OSBPL10: variants seen among roughly 807,000 people sequenced by gnomAD.
The protein encoded by OSBPL10 is oxysterol binding protein like 10.
In OSBPL10, 49 loss-of-function variants were observed where a neutral mutation model predicts 81.7. The observed-to-expected ratio is 0.60, with a 90% CI of 0.48 to 0.76. The LOEUF (loss-of-function observed/expected upper bound fraction) is 0.76, where lower values mean the gene tolerates loss of function less well. OSBPL10 is among the 30% of genes least tolerant of loss of function. The pLI is 0.00. For synonymous variants in OSBPL10, 419 were observed against 383.6 expected, an observed-to-expected ratio of 1.09 and a Z score of -1.08; for missense variants, 923 against 987.8, an observed-to-expected ratio of 0.93 and a Z score of 0.88.
intron 2 of OSBPL10, among the ~76,000 whole-genome samples, chr3:32,036,290 C>T (rs1190432351): frequency 1.3e-5 from 2 of 152,142 alleles, no homozygotes; most frequent in Non-Finnish European, 2.9e-5. Flanking sequence ...TTAAGCCATC[C>T]TCCTGCGTTG....
chr3:31,886,080 T>C (rs1243463097), intron 1 of OSBPL10, among the ~76,000 whole-genome samples: 2 of 150,900 alleles, frequency 1.3e-5, no homozygotes, highest in Non-Finnish European at 2.9e-5. Flanking sequence ...AGCTCACTCA[T>C]GCTGACAGCC....
At chr3:31,892,458 G>A (rs1040269326) in intron 1 of OSBPL10, among the ~76,000 whole-genome samples, 3 of 152,146 alleles carry the variant, frequency 2.0e-5, no homozygotes, top group African/African-American at 7.2e-5. Flanking sequence ...AGCAGAGGGA[G>A]CAGAAAGGCG....
intron 3 of OSBPL10, among the ~76,000 whole-genome samples, chr3:31,840,194 G>A (rs1001383499): frequency 6.6e-6 from 1 of 152,022 alleles, no homozygotes; most frequent in African/African-American, 2.4e-5. Context: ...TGGGGACAAG[G>A]GCTCCTATTT....
intron 4 of OSBPL10, among the ~76,000 whole-genome samples, chr3:31,762,844 G>A (rs969781775): frequency 2.0e-4 from 30 of 151,700 alleles, no homozygotes; most frequent in African/African-American, 3.6e-4. Flanking sequence ...CATAATTTGC[G>A]GATGCGAGGT....
At chr3:32,034,820 A>T (rs1033064915) in intron 2 of OSBPL10, among the ~76,000 whole-genome samples, 3 of 152,256 alleles carry the variant, frequency 2.0e-5, no homozygotes, top group Non-Finnish European at 4.4e-5. Context: ...GACAGTGTCT[A>T]TGAAAATCAG....
chr3:32,039,330 A>G (rs1417640985), intron 2 of OSBPL10, among the ~76,000 whole-genome samples: 1 of 134,702 alleles, frequency 7.4e-6, no homozygotes, highest in Non-Finnish European at 1.6e-5. Context: ...TGTTGCAAAA[A>G]TAAATAAATA....
intron 3 of OSBPL10, among the ~76,000 whole-genome samples, chr3:31,852,570 C>A (rs1448028548): frequency 1.6e-5 from 2 of 126,718 alleles, no homozygotes; most frequent in Non-Finnish European, 3.5e-5. Context: ...GAAGTTTTTT[C>A]CTTTTTTTGT....
intron 3 of OSBPL10, among the ~76,000 whole-genome samples, chr3:31,868,539 G>A (rs1483188016): frequency 6.6e-6 from 1 of 152,040 alleles, no homozygotes; most frequent in African/African-American, 2.4e-5. Context: ...CATCAAGGGA[G>A]AAGATACTAA....
At chr3:31,974,883 A>G (rs1033745409) in intron 1 of OSBPL10, among the ~76,000 whole-genome samples, 6 of 152,154 alleles carry the variant, frequency 3.9e-5, no homozygotes, top group Non-Finnish European at 8.8e-5. Context: ...TTACTCGCAA[A>G]ACTCAGTTAG....
intron 1 of OSBPL10, among the ~76,000 whole-genome samples, chr3:31,909,666 T>C (rs1696516763): frequency 6.6e-6 from 1 of 152,122 alleles, no homozygotes; most frequent in Non-Finnish European, 1.5e-5. Flanking sequence ...CTTCCCTCCA[T>C]TTCAGATCAA....
At chr3:31,896,458 C>T (rs1187366740) in intron 1 of OSBPL10, among the ~76,000 whole-genome samples, 1 of 152,186 alleles carries the variant, frequency 6.6e-6, no homozygotes, top group African/African-American at 2.4e-5. Flanking sequence ...ATGTGGAGAA[C>T]GTGCCCATCT....
intron 1 of OSBPL10, among the ~76,000 whole-genome samples, chr3:31,880,669 G>C (rs1230858273): frequency 6.6e-6 from 1 of 152,184 alleles, no homozygotes; most frequent in Non-Finnish European, 1.5e-5. Context: ...ACTGACACTA[G>C]TCTTTTCTCT....
rs1376592074 is a variant in OSBPL10, at chr3:31,670,842, G to A, written c.1868C>T (p.Thr623Ile). ...INCAKTGYSA[T>I]VIFHTKPFYG... The stretch of plus-strand genomic sequence containing the variant: ...GAAAGGCTTCGTGTGGAATATCACT[G>A]TCGCTGAGTACCCAGTCTTGGCACA... The change falls in exon 9 of 12, where the codon ACA (threonine) becomes ATA (isoleucine). Residue 623 changes from threonine to isoleucine, a missense_variant. Coordinates refer to ENST00000396556, the MANE Select transcript of OSBPL10 (RefSeq NM_017784.5). 8.9e-5 allele frequency: 144 copies of A among 1,614,032 alleles called. No homozygotes were observed. Among genetic ancestry groups the A allele is most frequent in the Non-Finnish European group, 1.2e-4 (143 of 1,180,026 alleles).
intron 2 of OSBPL10, among the ~76,000 whole-genome samples, chr3:31,999,782 C>G (rs966127989): frequency 6.6e-6 from 1 of 152,124 alleles, no homozygotes; most frequent in East Asian, 1.9e-4. Flanking sequence ...GCCCACAGCC[C>G]GGTGAAATGA....
At chr3:31,727,504 C>T (rs1438107066) in intron 6 of OSBPL10, among the ~76,000 whole-genome samples, 2 of 152,100 alleles carry the variant, frequency 1.3e-5, no homozygotes, top group Non-Finnish European at 2.9e-5. Flanking sequence ...ACGAAATTTA[C>T]TTATAACAAA....
chr3:32,044,554 C>G (rs1196830378), intron 2 of OSBPL10, among the ~76,000 whole-genome samples: 6 of 151,124 alleles, frequency 4.0e-5, no homozygotes, highest in African/African-American at 1.5e-4. Flanking sequence ...CCAAGCCTGA[C>G]CAACAGGAGA....
chr3:31,669,408 C>A (rs1347173650), intron 9 of OSBPL10, among the ~76,000 whole-genome samples: 1 of 152,022 alleles, frequency 6.6e-6, no homozygotes, highest in Non-Finnish European at 1.5e-5. Context: ...GCTTTTCAAT[C>A]CTTAAATCAG....
intron 7 of OSBPL10, among the ~76,000 whole-genome samples, chr3:31,694,089 G>A (rs1695637644): frequency 6.6e-6 from 1 of 152,154 alleles, no homozygotes; most frequent in Non-Finnish European, 1.5e-5. Context: ...AATGTTTGCT[G>A]GCCGGGTGCA....
intron 2 of OSBPL10, among the ~76,000 whole-genome samples, chr3:32,002,132 A>G (rs1406199364): frequency 6.6e-6 from 1 of 152,174 alleles, no homozygotes; most frequent in African/African-American, 2.4e-5. Context: ...TCTAGGGGAA[A>G]ACATTACTCA....
Sources: gnomAD v4.1 joint callset for allele counts (sites outside exome capture counted in the v4.1 genomes callset) on GRCh38, gnomAD v4.1.1 for gene constraint, MANE v1.5 for transcripts, NCBI Gene and HGNC (gene_info 2026-07-23, HGNC 2026-07-21) for gene names.